The following PTPRK variants were observed in gnomAD, a reference collection of about 807,000 sequenced individuals.
The protein encoded by PTPRK is receptor-type tyrosine-protein phosphatase kappa.
Under a neutral mutation model 178.0 loss-of-function variants are expected in PTPRK, and 75 were observed. The observed-to-expected ratio is 0.42, with a 90% CI of 0.35 to 0.51. The LOEUF is 0.51. Ranked by LOEUF, PTPRK falls within the 20% of genes least tolerant of loss-of-function variation. The pLI is 0.02. For missense variants in PTPRK, 1,441 were observed against 1,797.8 expected, an observed-to-expected ratio of 0.80 and a Z score of 3.59; for synonymous variants, 637 against 620.6, an observed-to-expected ratio of 1.03 and a Z score of -0.39.
intron 1 of PTPRK, among the ~76,000 whole-genome samples, chr6:128,447,596 C>T (rs766557560): frequency 2.0e-5 from 3 of 150,964 alleles, no homozygotes; most frequent in Non-Finnish European, 4.4e-5. Context: ...AAAGCTGTGG[C>T]CATTTTTGAG....
intron 1 of PTPRK, among the ~76,000 whole-genome samples, chr6:128,399,440 C>T (rs1840742663): frequency 6.6e-6 from 1 of 152,138 alleles, no homozygotes; most frequent in Non-Finnish European, 1.5e-5. Flanking sequence ...AACTCAAAAC[C>T]TTAATATTGT....
chr6:128,233,273 T>G (rs1264355614), intron 5 of PTPRK, among the ~76,000 whole-genome samples: 3 of 152,232 alleles, frequency 2.0e-5, no homozygotes, highest in Non-Finnish European at 4.4e-5. Flanking sequence ...TATGTTTTCA[T>G]CAGCTAAAAT....
intron 1 of PTPRK, among the ~76,000 whole-genome samples, chr6:128,507,386 T>C (rs1400862084): frequency 6.6e-6 from 1 of 152,162 alleles, no homozygotes; most frequent in Non-Finnish European, 1.5e-5. Context: ...CTAGAGGCCA[T>C]GTGGGCCTCT....
chr6:128,348,082 T>A (rs922222798), intron 2 of PTPRK, among the ~76,000 whole-genome samples: 1 of 152,050 alleles, frequency 6.6e-6, no homozygotes, highest in Non-Finnish European at 1.5e-5. Context: ...ACACATATAC[T>A]TTTATAAAAA....
At chr6:128,110,932 T>C (rs554998483) in intron 7 of PTPRK, among the ~76,000 whole-genome samples, 2 of 152,282 alleles carry the variant, frequency 1.3e-5, no homozygotes, top group South Asian at 2.1e-4. Flanking sequence ...TGTGCCCAAA[T>C]AGTCCAATTC....
chr6:128,117,716 GA>G (rs1435713598), intron 7 of PTPRK, among the ~76,000 whole-genome samples: 1 of 152,086 alleles, frequency 6.6e-6, no homozygotes, highest in Non-Finnish European at 1.5e-5. Flanking sequence ...ACAGTGGCAT[GA>G]TCTCAGCTCA....
chr6:128,397,349 T>G (rs1840449101), intron 2 of PTPRK, among the ~76,000 whole-genome samples: 1 of 152,138 alleles, frequency 6.6e-6, no homozygotes, highest in Admixed American at 6.5e-5. Context: ...AAAAAAACAC[T>G]AATACTTATC....
At chr6:128,124,638 T>A (rs1344428488) in intron 7 of PTPRK, among the ~76,000 whole-genome samples, 2 of 152,118 alleles carry the variant, frequency 1.3e-5, no homozygotes, top group Admixed American at 1.3e-4. Flanking sequence ...CTTTATCTTC[T>A]GGGATGGTTA....
intron 6 of PTPRK, among the ~76,000 whole-genome samples, chr6:128,192,747 G>A (rs1804033849): frequency 6.7e-6 from 1 of 149,920 alleles, no homozygotes; most frequent in Admixed American, 6.7e-5. Context: ...GCCTGGGAAA[G>A]TTGAAGCTGT....
intron 5 of PTPRK, among the ~76,000 whole-genome samples, chr6:128,234,977 A>T (rs1271552633): frequency 6.6e-6 from 1 of 152,214 alleles, no homozygotes; most frequent in African/African-American, 2.4e-5. Context: ...TTAACAATTT[A>T]TTGTATATTT....
At chr6:128,163,902 G>T (rs897977883) in intron 7 of PTPRK, among the ~76,000 whole-genome samples, 3 of 151,354 alleles carry the variant, frequency 2.0e-5, no homozygotes, top group Admixed American at 6.6e-5. Flanking sequence ...GCAATTAAAG[G>T]AAATGCTAAA....
intron 2 of PTPRK, among the ~76,000 whole-genome samples, chr6:128,344,157 C>T (rs1368935028): frequency 6.6e-6 from 1 of 152,142 alleles, no homozygotes; most frequent in Admixed American, 6.6e-5. Context: ...TCTTCTCACC[C>T]AAAACGAAGC....
At chr6:128,499,235 C>G (rs1465968605) in intron 1 of PTPRK, among the ~76,000 whole-genome samples, 3 of 152,098 alleles carry the variant, frequency 2.0e-5, no homozygotes, top group South Asian at 4.1e-4. Context: ...AAGTACTCAA[C>G]AGGACTGATC....
chr6:128,071,050 A>G (rs1782735074), intron 11 of PTPRK, among the ~76,000 whole-genome samples: 2 of 151,768 alleles, frequency 1.3e-5, no homozygotes, highest in South Asian at 4.2e-4. Flanking sequence ...CATTGTATCC[A>G]TTAACTCATT....
At chr6:128,471,178 G>A (rs9482884) in intron 1 of PTPRK, among the ~76,000 whole-genome samples, 2,491 of 151,868 alleles carry the variant, frequency 0.016, 79 homozygotes, top group African/African-American at 0.058. Context: ...AGTTGAAAAC[G>A]GTCAGAGAAT....
chr6:127,973,821 C>T lies in PTPRK; in HGVS notation c.3976G>A (p.Glu1326Lys). 1 of 1,612,404 alleles carries T rather than the reference C, an allele frequency of 6.2e-7. No individual in the cohort carries two copies. Among genetic ancestry groups the T allele is most frequent in the Non-Finnish European group, 8.5e-7 (1 of 1,178,666 alleles). Residue 1326 changes from glutamate (E) to lysine (K), a missense_variant, in exon 28 of 30, where the codon GAA becomes AAA. Physicochemically the swap from Glu to Lys is moderately conservative, Grantham distance 56 (BLOSUM62 1). Around this residue, in one of 4 missense-constraint regions of PTPRK, gnomAD observed 335 missense variants for 512.4 expected, o/e 0.65. Coordinates refer to ENST00000368226, the MANE Select transcript of PTPRK (RefSeq NM_002844.4). The part of the protein sequence containing the change: ...FRICNLTRPQ[E>K]GYLMVQQFQY... ...AACTGTTGCACCATCAGATAACCTT[C>T]CTGTGGCTGTAGAGGGAAGTGTTTT...
rs572714787 is a variant in PTPRK, at chr6:128,464,281, C to T, written c.100+55978G>A. 1.6e-4 allele frequency among the ~76,000 whole-genome samples: 25 copies of T among 151,826 alleles called. 1 individual carries two copies. In the South Asian group the frequency reaches 4.6e-3, roughly 28 times the overall value. On this transcript the variant is annotated intron_variant, in intron 1 of 29. Transcript: ENST00000368226. Reference sequence around the variant, plus strand: ...AAATTCAACTATTAAGTCAAACAGGCGTCTAGTCTCTAGATGGAAAGAAAA... The same window carrying T: ...AAATTCAACTATTAAGTCAAACAGGTGTCTAGTCTCTAGATGGAAAGAAAA...
At chr6:128,345,135 T>C (rs1427362384) in intron 2 of PTPRK, among the ~76,000 whole-genome samples, 1 of 151,944 alleles carries the variant, frequency 6.6e-6, no homozygotes, top group Non-Finnish European at 1.5e-5. Context: ...AAGCAAGTTT[T>C]TCCACTTATA....
At chr6:128,094,909 A>T (rs1310034602) in intron 7 of PTPRK, among the ~76,000 whole-genome samples, 1 of 152,060 alleles carries the variant, frequency 6.6e-6, no homozygotes, top group East Asian at 1.9e-4. Flanking sequence ...AGAGAAGAGG[A>T]TGCTCTGAGA....
Sources: allele counts gnomAD v4.1 joint callset (sites outside exome capture counted in the v4.1 genomes callset), GRCh38; gene constraint gnomAD v4.1.1; regional missense constraint gnomAD v4.1.1; transcripts MANE v1.5; gene names NCBI Gene and HGNC (gene_info 2026-07-23, HGNC 2026-07-21).